Variants in ZMYND11 observed in about 807,000 individuals in gnomAD.
ZMYND11 encodes the protein zinc finger MYND-type containing 11, also known as zinc finger MYND domain-containing protein 11.
Under a neutral mutation model 84.9 loss-of-function variants are expected in ZMYND11, and 9 were observed. The observed-to-expected ratio is 0.11, with a 90% CI of 0.06 to 0.18. The LOEUF is 0.18. Ranked by LOEUF, ZMYND11 falls within the 10% of genes least tolerant of loss-of-function variation. ZMYND11 has a pLI of 1.00. For missense variants in ZMYND11, 409 were observed against 761.0 expected, an observed-to-expected ratio of 0.54 and a Z score of 5.44; for synonymous variants, 250 against 244.1, an observed-to-expected ratio of 1.02 and a Z score of -0.23.
chr10:187,633 CAA>C (rs55992888), intron 2 of ZMYND11, among the ~76,000 whole-genome samples: 122,523 of 136,204 alleles, frequency 0.9, 54,984 homozygotes, highest in Middle Eastern at 0.95. Context: ...GACTCCGTCT[CAA>C]AAAAAAAAAA....
chr10:213,739 T>C (rs1245076824), intron 3 of ZMYND11, among the ~76,000 whole-genome samples: 2 of 152,210 alleles, frequency 1.3e-5, no homozygotes, highest in Non-Finnish European at 2.9e-5. Context: ...TTGTCTTCAA[T>C]TCCACAATTC....
At position 179,981 on chromosome 10, in the gene ZMYND11, TTTATTACTGC is replaced by T. The variant is rs1282088822; in HGVS notation, c.-19-12_-19-3del. 6.6e-7 allele frequency: 1 copy of T among 1,525,010 alleles called. No homozygotes were observed. The highest frequency in any genetic ancestry group is 1.4e-5 in the African/African-American group (1 of 72,454). The allele number at this position is 1,525,010 out of a possible 1,614,324, so 94.5% of individuals were successfully genotyped here. ...TCTGTTTTTTTCCCTTATGTTTTTG[TTTATTACTGC>T]AGCTAAAGAAGTAAACAGGTCATGG... On this transcript the variant is annotated splice_region_variant and splice_polypyrimidine_tract_variant and intron_variant, in intron 1 of 14. Transcript: ENST00000381604.
intron 2 of ZMYND11, among the ~76,000 whole-genome samples, chr10:190,566 G>A (rs570967775): frequency 6.0e-4 from 91 of 152,192 alleles, no homozygotes; most frequent in African/African-American, 2.2e-3. Flanking sequence ...TAAATTTTAG[G>A]TCTGGTTATG....
At chr10:184,128 T>A (rs1345273466) in intron 2 of ZMYND11, among the ~76,000 whole-genome samples, 1 of 152,210 alleles carries the variant, frequency 6.6e-6, no homozygotes, top group African/African-American at 2.4e-5. Flanking sequence ...CTAAAATCTT[T>A]ATCTACTTTC....
chr10:238,183 CCA>C lies in ZMYND11; in HGVS notation c.609+507_609+508del, dbSNP rs10571192. Among the ~76,000 whole-genome samples the C allele has an allele frequency of 1.4e-3, 214 of 152,266 alleles. 1 individual carries two copies. Among genetic ancestry groups the C allele is most frequent in the African/African-American group, 4.2e-3 (175 of 41,562 alleles). ...CTGAGGATTGTTAGTTTGTTCACGT[CCA>C]GTAACAAATTGCAACAACATCCAGT... is the stretch of plus-strand genomic sequence containing the variant. On this transcript the variant is annotated intron_variant, in intron 6 of 14. Coordinates refer to ENST00000381604, the MANE Select transcript of ZMYND11 (RefSeq NM_001370100.5).
In ZMYND11 at chr10:242,153, C is replaced by CCATGTTCAGCGGTCA; in HGVS notation, c.950+17_950+31dup. The CCATGTTCAGCGGTCA allele has an allele frequency of 6.2e-7, 1 of 1,613,884 alleles. No individual in the cohort carries two copies. Among genetic ancestry groups the CCATGTTCAGCGGTCA allele is most frequent in the South Asian group, 1.1e-5 (1 of 91,064 alleles). ...CCACCACCAGAGGTAATTTGTGATC[C>CCATGTTCAGCGGTCA]CATGTTCAGCGGTCACAGCTGTGCT... On this transcript the variant is annotated intron_variant, in intron 10 of 14. Transcript: ENST00000381604.
chr10:240,302 G>A (rs1455564568), intron 8 of ZMYND11, among the ~76,000 whole-genome samples, 191 bp downstream of exon 8: 6 of 152,106 alleles, frequency 3.9e-5, no homozygotes, highest in Non-Finnish European at 5.9e-5. Context: ...TCAAGAGATC[G>A]AGACCATCCT....
intron 3 of ZMYND11, among the ~76,000 whole-genome samples, chr10:219,385 A>G (rs957733299): frequency 2.0e-5 from 3 of 152,204 alleles, no homozygotes; most frequent in Non-Finnish European, 4.4e-5. Context: ...TATTGAGTCA[A>G]ATATAAGCCA....
intron 1 of ZMYND11, among the ~76,000 whole-genome samples, chr10:171,368 G>A (rs1452268191): frequency 6.6e-6 from 1 of 152,056 alleles, no homozygotes; most frequent in Non-Finnish European, 1.5e-5. Flanking sequence ...CAGATCACAC[G>A]TTCTTCTGAA....
intron 1 of ZMYND11, among the ~76,000 whole-genome samples, chr10:165,350 T>G (rs1249714791): frequency 6.6e-6 from 1 of 152,104 alleles, no homozygotes; most frequent in Non-Finnish European, 1.5e-5. Flanking sequence ...CTAGGTCACT[T>G]TCTACCATAT....
In ZMYND11 at chr10:248,440, T is replaced by C. The variant is rs781647164; in HGVS notation, c.1332T>C (p.Ser444=). 1 of 1,614,150 alleles carries C rather than the reference T, an allele frequency of 6.2e-7. No individual in the cohort carries two copies. Among genetic ancestry groups the C allele is most frequent in the Non-Finnish European group, 8.5e-7 (1 of 1,180,040 alleles). The part of the protein sequence containing the change: ...VSVSTQTKKL[S]ASSPRMLHRS... ...TGTCAACTCAGACAAAGAAGTTAAGTGCCTCTTCACCAAGAATGCTGCATC... is the reference window on the plus strand; with the variant it reads ...TGTCAACTCAGACAAAGAAGTTAAGCGCCTCTTCACCAAGAATGCTGCATC... Residue 444 remains serine (S), a synonymous_variant, in exon 13 of 15, where the codon AGT becomes AGC. Transcript: ENST00000381604.
At chr10:247,350 G>A in intron 11 of ZMYND11, 48 bp from the exon 12 acceptor site, 2 of 1,600,092 alleles carry the variant, frequency 1.2e-6, no homozygotes, top group South Asian at 2.2e-5. Flanking sequence ...CAGCAGAGAA[G>A]TATTTTCTAG....
intron 4 of ZMYND11, among the ~76,000 whole-genome samples, chr10:227,412 T>A (rs550392616): frequency 2.2e-4 from 33 of 152,356 alleles, no homozygotes; most frequent in Admixed American, 1.4e-3. Context: ...TCATGTACTT[T>A]TTAAAAACTC....
intron 2 of ZMYND11, among the ~76,000 whole-genome samples, chr10:203,372 A>G (rs1943581215): frequency 6.6e-6 from 1 of 152,180 alleles, no homozygotes; most frequent in African/African-American, 2.4e-5. Context: ...TAAATGTAAA[A>G]TATCTAGGAA....
chr10:193,543 CTAGT>C (rs1940986088), intron 2 of ZMYND11, among the ~76,000 whole-genome samples: 2 of 152,162 alleles, frequency 1.3e-5, no homozygotes, highest in Non-Finnish European at 2.9e-5. Context: ...TTTCCTGCAG[CTAGT>C]TAGTCATTCT....
intron 4 of ZMYND11, among the ~76,000 whole-genome samples, chr10:229,393 G>T (rs1948632513): frequency 6.6e-6 from 1 of 152,054 alleles, no homozygotes; most frequent in Admixed American, 6.5e-5. Context: ...GCATATTTGT[G>T]ATAGCTTACA....
chr10:166,256 T>C (rs547026934), intron 1 of ZMYND11, among the ~76,000 whole-genome samples: 1 of 152,266 alleles, frequency 6.6e-6, no homozygotes, highest in South Asian at 2.1e-4. Context: ...TTATATTTTA[T>C]CAAAATTTGA....
At chr10:159,454 T>C (rs1442006439) in intron 1 of ZMYND11, among the ~76,000 whole-genome samples, 1 of 152,174 alleles carries the variant, frequency 6.6e-6, no homozygotes, top group Non-Finnish European at 1.5e-5. Context: ...AAATGATATA[T>C]TACATGTAAT....
At chr10:190,543 T>A (rs1470593990) in intron 2 of ZMYND11, among the ~76,000 whole-genome samples, 1 of 152,206 alleles carries the variant, frequency 6.6e-6, no homozygotes, top group East Asian at 1.9e-4. Flanking sequence ...CCTAATTCTG[T>A]CAGTTATTTT....
Sources: gnomAD v4.1 joint callset for allele counts (sites outside exome capture counted in the v4.1 genomes callset) on GRCh38, gnomAD v4.1.1 for gene constraint, MANE v1.5 for transcripts, NCBI Gene and HGNC (gene_info 2026-07-23, HGNC 2026-07-21) for gene names.